The following SLCO6A1 variants were observed in gnomAD, a reference collection of about 807,000 sequenced individuals.
SLCO6A1 encodes the protein cancer/testis antigen 48.
Under a neutral mutation model 72.7 loss-of-function variants are expected in SLCO6A1, and 65 were observed. The ratio of observed to expected loss-of-function variants is 0.89; its 90% CI spans 0.73 to 1.10. The LOEUF is 1.10. SLCO6A1 is among the 50% of genes least tolerant of loss of function. SLCO6A1 has a pLI of 0.00. For synonymous variants in SLCO6A1, 314 were observed against 298.2 expected, an observed-to-expected ratio of 1.05 and a Z score of -0.55; for missense variants, 874 against 872.6, an observed-to-expected ratio of 1.00 and a Z score of -0.02.
chr5:102,461,831 A>G (rs1412937648), intron 4 of SLCO6A1, among the ~76,000 whole-genome samples: 1 of 152,132 alleles, frequency 6.6e-6, no homozygotes, highest in Non-Finnish European at 1.5e-5. Flanking sequence ...ATAGTCAAAT[A>G]TTTTAACAAG....
chr5:102,478,673 A>G (rs1449257484), intron 2 of SLCO6A1, among the ~76,000 whole-genome samples: 1 of 152,170 alleles, frequency 6.6e-6, no homozygotes, highest in Admixed American at 6.5e-5. Flanking sequence ...TGCTTGTGTA[A>G]TTAAATTTGT....
chr5:102,381,761 C>G (rs907602985), intron 12 of SLCO6A1, among the ~76,000 whole-genome samples: 4 of 133,516 alleles, frequency 3.0e-5, no homozygotes, highest in Non-Finnish European at 6.3e-5. Flanking sequence ...AATACACATT[C>G]TAACAGATGT....
At position 102,477,541 on chromosome 5, in the gene SLCO6A1, T is replaced by C. The variant is rs1751965516; in HGVS notation, c.802+135A>G. The C allele has an allele frequency of 2.8e-5, 19 of 666,994 alleles. 1 individual carries two copies. In the South Asian group the frequency reaches 5.6e-4, roughly 20 times the overall value. The allele number at this position is 666,994 out of a possible 1,614,324, so 41.3% of individuals were successfully genotyped here. A position where few individuals can be genotyped will look rare whatever the true frequency, so the allele number is the denominator to read the frequency against. The stretch of plus-strand genomic sequence containing the variant: ...TAGGTGAATCAATGTGATTTGGAGG[T>C]TTAGCATACCAATTATCATTTATTA... On this transcript the variant is annotated intron_variant, in intron 3 of 13. Transcript: ENST00000506729.
chr5:102,477,584 C>T (rs1370571754), intron 3 of SLCO6A1, 92 bp downstream of exon 3: 1 of 996,946 alleles, frequency 1.0e-6, no homozygotes, highest in Admixed American at 2.2e-5. Flanking sequence ...ATCATAAGGG[C>T]CAATAGTACT....
chr5:102,388,904 A>G, intron 11 of SLCO6A1, 79 bp from the exon 12 acceptor site: 1 of 1,268,000 alleles, frequency 7.9e-7, no homozygotes, highest in Non-Finnish European at 1.1e-6. Flanking sequence ...CAGATAATAT[A>G]TATGAATGAC....
intron 6 of SLCO6A1, among the ~76,000 whole-genome samples, chr5:102,451,404 C>T (rs1750409812): frequency 6.6e-6 from 1 of 152,180 alleles, no homozygotes; most frequent in African/African-American, 2.4e-5. Flanking sequence ...GGATATGGCC[C>T]CTATCCTGGG....
Position 102,411,704 on chromosome 5 carries a change from CATGACT to C in SLCO6A1, c.1626+1280_1626+1285del, listed in dbSNP as rs1197779402. ...ATGGGTTTTATTTAACCCTCTTTAT[CATGACT>C]TACTTTCTAATCTGACTCTGGCATA... On this transcript the variant is annotated intron_variant, in intron 9 of 13. Transcript: ENST00000506729. Among the ~76,000 whole-genome samples, 3 of 151,980 alleles carry C rather than the reference CATGACT, an allele frequency of 2.0e-5. No homozygotes were observed. In the East Asian group the frequency reaches 5.8e-4, roughly 29 times the overall value.
intron 6 of SLCO6A1, among the ~76,000 whole-genome samples, chr5:102,439,908 C>T (rs1291549475): frequency 6.6e-6 from 1 of 152,138 alleles, no homozygotes; most frequent in Admixed American, 6.5e-5. Context: ...GTTTAGCATG[C>T]CCATCCAGAA....
intron 7 of SLCO6A1, among the ~76,000 whole-genome samples, chr5:102,420,868 A>G (rs776360208): frequency 9.2e-5 from 14 of 152,186 alleles, no homozygotes; most frequent in Non-Finnish European, 5.9e-5. Context: ...CAGCTCCCAG[A>G]GAGACCAATG....
At chr5:102,433,510 C>T (rs1200581714) in intron 7 of SLCO6A1, among the ~76,000 whole-genome samples, 1 of 151,920 alleles carries the variant, frequency 6.6e-6, no homozygotes, top group Non-Finnish European at 1.5e-5. Flanking sequence ...GGCTTTGTTT[C>T]TGGAAGATTT....
rs893852170 is a variant in SLCO6A1 at position 102,453,456 on chromosome 5, C to T, written c.1131+4926G>A. On this transcript the variant is annotated intron_variant, in intron 6 of 13. Coordinates refer to ENST00000506729, the MANE Select transcript of SLCO6A1 (RefSeq NM_173488.5). ...TTTACTACATCCAACACCTGAGCCA[C>T]CTCAGAGACAGTTTGTACTGACTTT... Among the ~76,000 whole-genome samples the T allele has an allele frequency of 4.6e-5, 7 of 152,262 alleles. 1 individual carries two copies. Among genetic ancestry groups the T allele is most frequent in the Middle Eastern group, 3.4e-3 (1 of 294 alleles).
intron 4 of SLCO6A1, among the ~76,000 whole-genome samples, chr5:102,460,797 T>C (rs1175446853): frequency 6.6e-6 from 1 of 151,632 alleles, no homozygotes; most frequent in East Asian, 1.9e-4. Flanking sequence ...CACTGTCTTA[T>C]TCACTGATGG....
intron 1 of SLCO6A1, among the ~76,000 whole-genome samples, chr5:102,488,746 G>A (rs1181064183): frequency 6.6e-6 from 1 of 152,122 alleles, no homozygotes; most frequent in East Asian, 1.9e-4. Context: ...ATTTGCACTG[G>A]CAACAAGGTC....
intron 8 of SLCO6A1, among the ~76,000 whole-genome samples, chr5:102,414,499 A>G (rs1379698962): frequency 2.0e-5 from 3 of 152,214 alleles, no homozygotes; most frequent in Non-Finnish European, 2.9e-5. Context: ...AGATGCCAAT[A>G]AAAATCTCTT....
intron 6 of SLCO6A1, among the ~76,000 whole-genome samples, chr5:102,456,385 G>T (rs1424991420): frequency 1.3e-5 from 2 of 152,284 alleles, no homozygotes; most frequent in East Asian, 1.9e-4. Flanking sequence ...ATCTCCTTAA[G>T]CTGATAAGCA....
intron 9 of SLCO6A1, among the ~76,000 whole-genome samples, chr5:102,402,746 G>A (rs542236367): frequency 3.9e-5 from 6 of 152,184 alleles, no homozygotes; most frequent in African/African-American, 7.2e-5. Flanking sequence ...AAGTCTTCAC[G>A]GCTGAATCAC....
At chr5:102,476,332 A>G (rs1046825515) in intron 3 of SLCO6A1, among the ~76,000 whole-genome samples, 1 of 152,166 alleles carries the variant, frequency 6.6e-6, no homozygotes. Flanking sequence ...GCAAGTCCCA[A>G]ATTTGTAGGG....
At chr5:102,446,435 G>C (rs1750111997) in intron 6 of SLCO6A1, among the ~76,000 whole-genome samples, 1 of 152,166 alleles carries the variant, frequency 6.6e-6, no homozygotes. Context: ...CTGAAACTTT[G>C]CTGAAGTTGT....
intron 7 of SLCO6A1, among the ~76,000 whole-genome samples, chr5:102,425,266 C>G (rs1183633577): frequency 4.6e-5 from 7 of 152,076 alleles, no homozygotes; most frequent in Admixed American, 2.0e-4. Context: ...GAAATTCTGC[C>G]CAGGGTGATT....
Sources: gnomAD v4.1 joint callset for allele counts (sites outside exome capture counted in the v4.1 genomes callset) on GRCh38, gnomAD v4.1.1 for gene constraint, MANE v1.5 for transcripts, NCBI Gene and HGNC (gene_info 2026-07-23, HGNC 2026-07-21) for gene names.